The following EARS2 variants were observed in gnomAD, a reference collection of about 807,000 sequenced individuals.
EARS2 encodes the protein glutamyl-tRNA synthetase 2, mitochondrial.
A neutral mutation model predicts 54.1 loss-of-function variants in EARS2; 50 were observed. That is an observed-to-expected ratio of 0.92 (90% CI 0.74 to 1.17). The LOEUF is 1.17. Ranked by LOEUF, EARS2 falls within the 50% of genes most tolerant of loss-of-function variation. The pLI, the probability that EARS2 is intolerant of heterozygous loss-of-function variation, is 0.00. For missense variants in EARS2, 673 were observed against 675.0 expected, an observed-to-expected ratio of 1.00 and a Z score of 0.03; for synonymous variants, 298 against 281.0, an observed-to-expected ratio of 1.06 and a Z score of -0.61.
intron 4 of EARS2, among the ~76,000 whole-genome samples, chr16:23,534,255 C>T (rs537158477): frequency 1.3e-5 from 2 of 152,268 alleles, no homozygotes; most frequent in South Asian, 4.1e-4. Context: ...TATGTATCTA[C>T]CCCTTAATAG....
chr16:23,532,503 T>G, intron 5 of EARS2, 154 bp downstream of exon 5: 1 of 555,932 alleles, frequency 1.8e-6, no homozygotes, highest in East Asian at 2.8e-5. Flanking sequence ...TAATCCCATT[T>G]TAGAGAAGAG....
chr16:23,539,932 C>T (rs2142178300), intron 3 of EARS2, among the ~76,000 whole-genome samples: 1 of 152,098 alleles, frequency 6.6e-6, no homozygotes, highest in African/African-American at 2.4e-5. Flanking sequence ...GGTGGATCTC[C>T]TATGCTCAGG....
At chr16:23,552,961 C>G (rs1965720419) in intron 1 of EARS2, 1 of 302,108 alleles carries the variant, frequency 3.3e-6, no homozygotes, top group Non-Finnish European at 6.7e-6. Context: ...ATGGTGAGAC[C>G]TTGTCTTAGC....
At chr16:23,552,682 G>A (rs1965716371) in intron 1 of EARS2, among the ~76,000 whole-genome samples, 1 of 152,212 alleles carries the variant, frequency 6.6e-6, no homozygotes, top group Non-Finnish European at 1.5e-5. Context: ...GTAGAGACAG[G>A]CATTCGCCAT....
intron 1 of EARS2, chr16:23,556,904 A>G (rs991026091): frequency 3.2e-6 from 2 of 625,070 alleles, no homozygotes; most frequent in Non-Finnish European, 5.9e-6. Context: ...CTCAATGATC[A>G]CTGTATCCCA....
intron 8 of EARS2, 62 bp downstream of exon 8, chr16:23,525,182 T>C (rs1308436909): frequency 1.9e-6 from 3 of 1,612,546 alleles, no homozygotes; most frequent in East Asian, 2.2e-5. Context: ...TGCCAGGAAA[T>C]GTAAGTTCAA....
intron 1 of EARS2, among the ~76,000 whole-genome samples, chr16:23,553,662 C>T (rs866107983): frequency 6.6e-5 from 10 of 151,986 alleles, no homozygotes; most frequent in Non-Finnish European, 1.5e-4. Flanking sequence ...GAGGCCGAGG[C>T]GGGTGGATCA....
chr16:23,535,173 A>G lies in EARS2; in HGVS notation c.673T>C (p.Phe225Leu), dbSNP rs1409479521. The G allele has an allele frequency of 5.0e-6, 8 of 1,613,722 alleles. No homozygotes were observed. The highest frequency in any genetic ancestry group is 6.8e-6 in the Non-Finnish European group (8 of 1,179,990). ...ACGCAGGCCAGGTGGTATGTGGGGA[A>G]GCCGTCGCTCTTCATGATGACTGGG... ...GDPVIMKSDG[F>L]PTYHLACVVD... is the part of the protein sequence containing the mutation. The change falls in exon 4 of 9, where the codon TTC becomes CTC. Residue 225 changes from phenylalanine (F) to leucine (L), a missense_variant. Physicochemically the swap from Phe to Leu is conservative, Grantham distance 22 (BLOSUM62 0). This residue lies in a region of EARS2 where 19 missense variants were observed against 38.7 expected (regional missense o/e 0.49). Transcript: ENST00000449606.
intron 1 of EARS2, among the ~76,000 whole-genome samples, chr16:23,556,168 G>A (rs1965778547): frequency 6.6e-6 from 1 of 152,126 alleles, no homozygotes; most frequent in African/African-American, 2.4e-5. Flanking sequence ...TTCATCCTGG[G>A]ATTTGGGATG....
intron 7 of EARS2, among the ~76,000 whole-genome samples, chr16:23,527,844 C>A (rs967334442): frequency 6.6e-6 from 1 of 152,152 alleles, no homozygotes; most frequent in East Asian, 1.9e-4. Context: ...TGAGTCACCG[C>A]GCCCAGCAAA....
At chr16:23,531,202 C>T (rs971460770) in intron 5 of EARS2, among the ~76,000 whole-genome samples, 1 of 151,902 alleles carries the variant, frequency 6.6e-6, no homozygotes, top group African/African-American at 2.4e-5. Context: ...CAGCCTACAT[C>T]CACTCTTGAA....
intron 4 of EARS2, among the ~76,000 whole-genome samples, chr16:23,533,647 C>A (rs535678683): frequency 2.4e-4 from 37 of 152,358 alleles, no homozygotes; most frequent in Middle Eastern, 3.4e-3. Flanking sequence ...AAGACACGAG[C>A]TGCAGAACAG....
intron 2 of EARS2, among the ~76,000 whole-genome samples, chr16:23,545,885 C>T (rs559625304): frequency 6.6e-6 from 1 of 152,228 alleles, no homozygotes; most frequent in African/African-American, 2.4e-5. Context: ...TGCAGTAGTG[C>T]AATCATAGCT....
intron 1 of EARS2, 98 bp from the exon 2 acceptor site, chr16:23,552,402 T>C (rs1965711932): frequency 1.5e-6 from 2 of 1,368,030 alleles, no homozygotes; most frequent in Non-Finnish European, 2.0e-6. Flanking sequence ...TTGCAATAAA[T>C]TTAAAAGACC....
Position 23,557,300 on chromosome 16 carries a change from G to A in EARS2, c.44C>T (p.Ser15Leu), listed in dbSNP as rs751605365. 4.0e-6 allele frequency: 6 copies of A among 1,518,280 alleles called. No individual in the cohort carries two copies. In the South Asian group the frequency reaches 6.2e-5, roughly 16 times the overall value. 94.1% of individuals were successfully genotyped at this position (1,518,280 alleles called of 1,614,324 possible). ...TCCTACGGGGCGGCCAGAGGCCGCCGAAGGCCTCTCGCGCTGCAGCAGTCT... is the reference window on the plus strand; with the variant it reads ...TCCTACGGGGCGGCCAGAGGCCGCCAAAGGCCTCTCGCGCTGCAGCAGTCT... Reference protein sequence around the residue: ...LRRLLQRERPSAASGRPVGRR... With the variant: ...LRRLLQRERPLAASGRPVGRR... The change falls in exon 1 of 9, where the codon TCG (serine) becomes TTG (leucine). Residue 15 changes from serine (S) to leucine (L), a missense_variant. Ser to Leu is a moderately radical substitution (Grantham distance 145). Coordinates refer to ENST00000449606, the MANE Select transcript of EARS2 (RefSeq NM_001083614.2).
Position 23,524,112 on chromosome 16 carries a change from T to G in EARS2, c.*259A>C. The G allele has an allele frequency of 1.8e-6, 1 of 545,818 alleles. No homozygotes were observed. Among genetic ancestry groups the G allele is most frequent in the Non-Finnish European group, 3.3e-6 (1 of 303,822 alleles). 33.8% of individuals were successfully genotyped at this position (545,818 alleles called of 1,614,324 possible). On this transcript the variant is annotated 3_prime_UTR_variant, in exon 9 of 9. Transcript: ENST00000449606. The stretch of plus-strand genomic sequence containing the variant: ...GTGAACTAACTCCAAACCTCTGCTG[T>G]GTAATGTGTGAGAAACCAGACCCGG...
At chr16:23,533,033 T>C (rs1056830919) in intron 4 of EARS2, among the ~76,000 whole-genome samples, 7 of 152,280 alleles carry the variant, frequency 4.6e-5, no homozygotes, top group South Asian at 2.1e-4. Flanking sequence ...ACACCTGTAA[T>C]ACCAGCATTT....
In EARS2 at chr16:23,521,934, T is replaced by C; in HGVS notation, c.*2437A>G. 2.4e-6 allele frequency: 1 copy of C among 409,418 alleles called. No homozygotes were observed. The highest frequency in any genetic ancestry group is 1.7e-5 in the South Asian group (1 of 59,106). 25.4% of individuals were successfully genotyped at this position (409,418 alleles called of 1,614,324 possible). On this transcript the variant is annotated 3_prime_UTR_variant, in exon 9 of 9. Transcript: ENST00000449606. ...TTTAAATCTTGGTTTTGCCTCGTACTATAACCTCGGAAGTTTTAGTTAACT... is the reference window on the plus strand; with the variant it reads ...TTTAAATCTTGGTTTTGCCTCGTACCATAACCTCGGAAGTTTTAGTTAACT...
chr16:23,548,387 G>A (rs1361227213), intron 2 of EARS2, among the ~76,000 whole-genome samples: 3 of 152,138 alleles, frequency 2.0e-5, no homozygotes, highest in Non-Finnish European at 4.4e-5. Context: ...ACCAGGGTGG[G>A]GGACAAGCTC....
Sources: gnomAD v4.1 joint callset for allele counts (sites outside exome capture counted in the v4.1 genomes callset) on GRCh38, gnomAD v4.1.1 for gene constraint, gnomAD v4.1.1 regional missense constraint, MANE v1.5 for transcripts, NCBI Gene and HGNC (gene_info 2026-07-23, HGNC 2026-07-21) for gene names.